ABCA9: variants seen among roughly 807,000 people sequenced by gnomAD.
The protein encoded by ABCA9 is ATP binding cassette subfamily A member 9.
ABCA9 carries 183 observed loss-of-function variants against 205.3 expected under a neutral mutation model. The ratio of observed to expected loss-of-function variants is 0.89; its 90% CI spans 0.79 to 1.01. The LOEUF is 1.01. ABCA9 is among the 50% of genes least tolerant of loss of function. The probability of loss-of-function intolerance (pLI) is 0.00; values close to 1 mark genes in which losing one functional copy is unlikely to be tolerated. For synonymous variants in ABCA9, 651 were observed against 683.3 expected (o/e 0.95, Z 0.74); for missense variants, 1,805 against 1,912.4 (o/e 0.94, Z 1.05).
chr17:69,027,114 C>A lies in ABCA9; in HGVS notation c.1912G>T (p.Val638Phe). The A allele has an allele frequency of 1.2e-6, 2 of 1,613,814 alleles. No homozygotes were observed. Among genetic ancestry groups the A allele is most frequent in the African/African-American group, 1.3e-5 (1 of 75,020 alleles). Reference protein sequence around the residue: ...FGIAILGDPQVLLLDEPTAGL... With the variant: ...FGIAILGDPQFLLLDEPTAGL... ...GCAGTCGGTTCATCCAATAGCAAAACCTGGACAGGAGGAAAGTCCTAAAGT... is the reference window on the plus strand; with the variant it reads ...GCAGTCGGTTCATCCAATAGCAAAAACTGGACAGGAGGAAAGTCCTAAAGT... The change falls in exon 15 of 39, where the codon GTT (valine) becomes TTT (phenylalanine). Residue 638 changes from valine (V) to phenylalanine (F), a missense_variant and splice_region_variant. Transcript: ENST00000340001.
At chr17:69,053,195 C>A (rs1190822554) in intron 1 of ABCA9, among the ~76,000 whole-genome samples, 2 of 152,184 alleles carry the variant, frequency 1.3e-5, no homozygotes, top group African/African-American at 2.4e-5. Context: ...GGGGCTGAAA[C>A]CTTCTAATCA....
rs2068857211 is a variant in ABCA9 at position 68,974,714 on chromosome 17, T to A, written c.*1201A>T. On this transcript the variant is annotated 3_prime_UTR_variant, in exon 39 of 39. Transcript: ENST00000340001. Reference sequence around the variant, plus strand: ...AATAATATATAGAGATATGGGAAATTAAGACCTATGAAGTTTTAATTATTT... The same window carrying A: ...AATAATATATAGAGATATGGGAAATAAAGACCTATGAAGTTTTAATTATTT... The A allele has an allele frequency of 6.6e-6, 1 of 152,186 alleles. No homozygotes were observed. Among genetic ancestry groups the A allele is most frequent in the African/African-American group, 2.4e-5 (1 of 41,452 alleles). 9.4% of individuals were successfully genotyped at this position (152,186 alleles called of 1,614,324 possible).
rs758840666 is a variant in ABCA9 at position 68,989,838 on chromosome 17, T to A, written c.3930A>T (p.Arg1310Ser). Residue 1310 changes from arginine to serine, a missense_variant, in exon 30 of 39, where the codon AGA becomes AGT. Physicochemically the swap from Arg to Ser is moderately radical, Grantham distance 110. Transcript: ENST00000340001. ...CTTTTTTAACACAAAAAGAGACATT[T>A]CTTGTGGCAATTTTTTTCTTCCTTT... ...FSKRKKKIATRNVSFCVKKGE... is the reference protein window; with the variant it reads ...FSKRKKKIATSNVSFCVKKGE... 44 of 1,604,892 alleles carry A rather than the reference T, an allele frequency of 2.7e-5. No homozygotes were observed. The highest frequency in any genetic ancestry group is 3.7e-5 in the Non-Finnish European group (43 of 1,171,916).
At chr17:69,052,434 A>C (rs114270335) in intron 1 of ABCA9, among the ~76,000 whole-genome samples, 2 of 152,114 alleles carry the variant, frequency 1.3e-5, no homozygotes, top group Non-Finnish European at 2.9e-5. Flanking sequence ...AAACAGTATA[A>C]GGAGAGAAAG....
rs1301446774 is a variant in ABCA9, at chr17:68,976,004, C to T, written c.4786G>A (p.Glu1596Lys). 1 of 1,613,460 alleles carries T rather than the reference C, an allele frequency of 6.2e-7. No individual in the cohort carries two copies. Among genetic ancestry groups the T allele is most frequent in the African/African-American group, 1.3e-5 (1 of 74,834 alleles). Residue 1596 changes from glutamate to lysine, a missense_variant, in exon 39 of 39, where the codon GAG becomes AAG. Coordinates refer to ENST00000340001, the MANE Select transcript of ABCA9 (RefSeq NM_080283.4). ...SQSTLEQVFLELSKEQELGDL... is the reference protein window; with the variant it reads ...SQSTLEQVFLKLSKEQELGDL... ...CCCAGCTCCTGCTCCTTGGAGAGCT[C>T]CAGGAAAACCTAAAAGGAAGGAAAG...
chr17:69,036,445 A>C (rs1480987746), intron 6 of ABCA9, among the ~76,000 whole-genome samples: 1 of 152,174 alleles, frequency 6.6e-6, no homozygotes, highest in Non-Finnish European at 1.5e-5. Context: ...TCATAAGTGA[A>C]GGAGAAATAA....
chr17:69,018,428 C>T lies in ABCA9; in HGVS notation c.2752G>A (p.Val918Ile). ...QPQDPLTHLL[V>I]INKTGSTIDN... is the part of the protein sequence containing the mutation. Reference sequence around the variant, plus strand: ...CCATGTTCACCTGTCTTATTGATGACCAGTAAATGGGTCAGAGGATCCTGT... The same window carrying T: ...CCATGTTCACCTGTCTTATTGATGATCAGTAAATGGGTCAGAGGATCCTGT... Residue 918 changes from valine to isoleucine, a missense_variant, in exon 20 of 39, where the codon GTC becomes ATC. Physicochemically the swap from Val to Ile is conservative, Grantham distance 29 (BLOSUM62 3). Coordinates refer to ENST00000340001, the MANE Select transcript of ABCA9 (RefSeq NM_080283.4). 1 of 1,581,298 alleles carries T rather than the reference C, an allele frequency of 6.3e-7. No individual in the cohort carries two copies. The highest frequency in any genetic ancestry group is 8.6e-7 in the Non-Finnish European group (1 of 1,168,944).
rs770102334 is a variant in ABCA9, at chr17:69,026,407, T to G, written c.2111A>C (p.Lys704Thr). ...LKCAGSSLFL[K>T]KKWGIGYHLS... Reference sequence around the variant, plus strand: ...ATGGTAGCCTATGCCCCATTTCTTCTTAAGGAACAGAGAAGAGCCTGCACA... The same window carrying G: ...ATGGTAGCCTATGCCCCATTTCTTCGTAAGGAACAGAGAAGAGCCTGCACA... Residue 704 changes from lysine (K) to threonine (T), a missense_variant, in exon 16 of 39, where the codon AAG (lysine) becomes ACG (threonine). Coordinates refer to ENST00000340001, the MANE Select transcript of ABCA9 (RefSeq NM_080283.4). 18 of 1,613,860 alleles carry G rather than the reference T, an allele frequency of 1.1e-5. No individual in the cohort carries two copies. Among genetic ancestry groups the G allele is most frequent in the Non-Finnish European group, 1.4e-5 (17 of 1,179,804 alleles).
At chr17:69,031,127 A>G (rs2071136813) in intron 10 of ABCA9, among the ~76,000 whole-genome samples, 1 of 152,154 alleles carries the variant, frequency 6.6e-6, no homozygotes, top group African/African-American at 2.4e-5. Flanking sequence ...CTAGACCATA[A>G]GACTAGTCTT....
chr17:68,984,904 C>G lies in ABCA9; in HGVS notation c.4360G>C (p.Glu1454Gln). Residue 1454 changes from glutamate (E) to glutamine (Q), a missense_variant, in exon 34 of 39, where the codon GAG becomes CAG. Coordinates refer to ENST00000340001, the MANE Select transcript of ABCA9 (RefSeq NM_080283.4). ...LDEPSTGMDP[E>Q]GQQQMWQVIR... Reference sequence around the variant, plus strand: ...CCTCACCACATTTGCTGCTGCCCCTCGGGGTCCATCCCGGTCGACGGCTCA... The same window carrying G: ...CCTCACCACATTTGCTGCTGCCCCTGGGGGTCCATCCCGGTCGACGGCTCA... 6.2e-7 allele frequency: 1 copy of G among 1,614,152 alleles called. No individual in the cohort carries two copies. Among genetic ancestry groups the G allele is most frequent in the Non-Finnish European group, 8.5e-7 (1 of 1,180,036 alleles).
upstream of ABCA9, among the ~76,000 whole-genome samples, chr17:69,065,391 C>T (rs1305545421): frequency 6.6e-6 from 1 of 152,196 alleles, no homozygotes; most frequent in East Asian, 1.9e-4. Context: ...TATAAACAAT[C>T]TTTCTGACAT....
chr17:69,026,875 C>A, intron 15 of ABCA9, 101 bp downstream of exon 15: 2 of 1,415,920 alleles, frequency 1.4e-6, no homozygotes, highest in Non-Finnish European at 1.9e-6. Context: ...CTGTCTTGGG[C>A]CATGGCAGTT....
the ABCA9 span, among the ~76,000 whole-genome samples, chr17:69,074,252 T>C: frequency 6.6e-6 from 1 of 152,216 alleles, no homozygotes; most frequent in African/African-American, 2.4e-5. Flanking sequence ...TATTTTTATT[T>C]TTATAATTTC....
Position 68,975,853 on chromosome 17 carries a change from C to T in ABCA9, c.*62G>A, listed in dbSNP as rs2068877575. On this transcript the variant is annotated 3_prime_UTR_variant, in exon 39 of 39. Transcript: ENST00000340001. ...ACCTCTGATATAAGGCATATTAAGG[C>T]TATAAAATATTATCTTTAAAAGAGT... is the stretch of plus-strand genomic sequence containing the variant. The T allele has an allele frequency of 4.7e-6, 6 of 1,267,448 alleles. No homozygotes were observed. Among genetic ancestry groups the T allele is most frequent in the Non-Finnish European group, 1.1e-6 (1 of 889,958 alleles). 78.5% of individuals were successfully genotyped at this position (1,267,448 alleles called of 1,614,324 possible). A position where few individuals can be genotyped will look rare whatever the true frequency, so the allele number is the denominator to read the frequency against.
intron 25 of ABCA9, among the ~76,000 whole-genome samples, chr17:68,999,791 G>T (rs1428718860): frequency 6.6e-6 from 1 of 151,842 alleles, no homozygotes; most frequent in Admixed American, 6.6e-5. Context: ...AGCACCTGTT[G>T]TTTCCTGACT....
At chr17:69,048,704 C>T (rs986538167) in intron 3 of ABCA9, among the ~76,000 whole-genome samples, 3 of 152,146 alleles carry the variant, frequency 2.0e-5, no homozygotes, top group Non-Finnish European at 2.9e-5. Context: ...GTTTCAGTTG[C>T]GATTCTCAAA....
At chr17:69,039,584 A>T (rs1205985651) in intron 6 of ABCA9, among the ~76,000 whole-genome samples, 2 of 152,226 alleles carry the variant, frequency 1.3e-5, no homozygotes, top group African/African-American at 2.4e-5. Context: ...TGAACATAAG[A>T]TCTAAAACCT....
intron 25 of ABCA9, among the ~76,000 whole-genome samples, chr17:68,998,265 C>T (rs1205594612): frequency 6.6e-6 from 1 of 152,058 alleles, no homozygotes; most frequent in African/African-American, 2.4e-5. Flanking sequence ...TTGTGTGGAC[C>T]AACTAATATT....
the ABCA9 span, among the ~76,000 whole-genome samples, chr17:69,074,457 A>T: frequency 6.6e-6 from 1 of 152,224 alleles, no homozygotes; most frequent in South Asian, 2.1e-4. Context: ...ATGTCCATGA[A>T]TACTTAATAT....
Sources: gnomAD v4.1 joint callset for allele counts (sites outside exome capture counted in the v4.1 genomes callset) on GRCh38, gnomAD v4.1.1 for gene constraint, MANE v1.5 for transcripts, NCBI Gene and HGNC (gene_info 2026-07-23, HGNC 2026-07-21) for gene names.